The following OPCML variants were observed in gnomAD, a reference collection of about 807,000 sequenced individuals.
The protein encoded by OPCML is opioid binding protein/cell adhesion molecule like.
A neutral mutation model predicts 37.8 loss-of-function variants in OPCML; 13 were observed. The observed-to-expected ratio is 0.34, with a 90% CI of 0.22 to 0.55. The LOEUF is 0.55. Ranked by LOEUF, OPCML falls within the 20% of genes least tolerant of loss-of-function variation. The pLI is 0.91. For synonymous variants in OPCML, 176 were observed against 168.8 expected (o/e 1.04, Z -0.33); for missense variants, 341 against 435.6 (o/e 0.78, Z 1.93).
chr11:132,829,149 C>T (rs1054730482), intron 2 of OPCML, among the ~76,000 whole-genome samples: 9 of 152,134 alleles, frequency 5.9e-5, no homozygotes, highest in East Asian at 1.9e-4. Flanking sequence ...CCAGAAGAAT[C>T]CAAGTTATAC....
rs968489482 is a variant in OPCML at position 132,418,402 on chromosome 11, A to C, written c.*1791T>G. On this transcript the variant is annotated 3_prime_UTR_variant, in exon 8 of 8. Coordinates refer to ENST00000524381, the MANE Select transcript of OPCML (RefSeq NM_001012393.5). Reference sequence around the variant, plus strand: ...GGAGACAAGACAGCAAAGGTGGCTCAGCTCTTGTTTGTATGCTGGGTCTGC... The same window carrying C: ...GGAGACAAGACAGCAAAGGTGGCTCCGCTCTTGTTTGTATGCTGGGTCTGC... 3 of 152,486 alleles carry C rather than the reference A, an allele frequency of 2.0e-5. No homozygotes were observed. The highest frequency in any genetic ancestry group is 4.4e-5 in the Non-Finnish European group (3 of 68,040). The allele number at this position is 152,486 out of a possible 1,614,324, so 9.4% of individuals were successfully genotyped here.
intron 2 of OPCML, among the ~76,000 whole-genome samples, chr11:132,708,063 T>A (rs1482613686): frequency 6.6e-6 from 1 of 152,220 alleles, no homozygotes. Flanking sequence ...ACTGTTGAGT[T>A]GTGTCATGTT....
At chr11:133,246,166 T>C (rs1370396916) in intron 1 of OPCML, among the ~76,000 whole-genome samples, 1 of 152,246 alleles carries the variant, frequency 6.6e-6, no homozygotes, top group Non-Finnish European at 1.5e-5. Flanking sequence ...AGGAGCCCAC[T>C]TGTTTCATAC....
At chr11:133,156,800 C>A (rs1013671296) in intron 1 of OPCML, among the ~76,000 whole-genome samples, 1 of 152,084 alleles carries the variant, frequency 6.6e-6, no homozygotes, top group African/African-American at 2.4e-5. Context: ...AAAAATAACA[C>A]CAAGCAAGCA....
chr11:132,929,193 G>A (rs1042038501), intron 2 of OPCML, among the ~76,000 whole-genome samples: 1 of 150,972 alleles, frequency 6.6e-6, no homozygotes, highest in Non-Finnish European at 1.5e-5. Context: ...TAACAAAATG[G>A]GCAAAACTTT....
chr11:132,998,390 T>TGTTA (rs1274770694), intron 1 of OPCML, among the ~76,000 whole-genome samples: 1 of 152,170 alleles, frequency 6.6e-6, no homozygotes, highest in Non-Finnish European at 1.5e-5. Context: ...TGTGTTTACT[T>TGTTA]GTTAGCATGG....
rs1239713137 is a variant in OPCML at position 133,141,009 on chromosome 11, C to T, written c.62-197999G>A. The stretch of plus-strand genomic sequence containing the variant: ...AAGAAGAAGAAGAAGACGACGACGA[C>T]GACGACGACGACGACGACGACGACG... On this transcript the variant is annotated intron_variant, in intron 1 of 7. Coordinates refer to ENST00000524381, the MANE Select transcript of OPCML (RefSeq NM_001012393.5). Among the ~76,000 whole-genome samples the T allele has an allele frequency of 1.3e-3, 8 of 6,138 alleles. 3 individuals are homozygous for T. The highest frequency in any genetic ancestry group is 3.1e-3 in the African/African-American group (8 of 2,552). The allele number at this position is 6,138 out of a possible 152,430, so 4.0% of individuals were successfully genotyped here. A position where few individuals can be genotyped will look rare whatever the true frequency, so the allele number is the denominator to read the frequency against.
At chr11:133,079,887 G>A (rs556406854) in intron 1 of OPCML, among the ~76,000 whole-genome samples, 52 of 152,272 alleles carry the variant, frequency 3.4e-4, no homozygotes, top group South Asian at 2.3e-3. Flanking sequence ...TGAGGTGCCC[G>A]TCCAAGGGGA....
chr11:132,791,921 G>T (rs1309537607), intron 2 of OPCML, among the ~76,000 whole-genome samples: 1 of 152,146 alleles, frequency 6.6e-6, no homozygotes, highest in Non-Finnish European at 1.5e-5. Flanking sequence ...CTGGCTGGTG[G>T]TGATTAGTAC....
intron 1 of OPCML, among the ~76,000 whole-genome samples, chr11:133,357,682 T>C (rs1160372144): frequency 6.6e-6 from 1 of 152,226 alleles, no homozygotes; most frequent in African/African-American, 2.4e-5. Flanking sequence ...GCTGCTGTGA[T>C]GATTCTGAGG....
chr11:132,779,405 A>G (rs1946920087), intron 2 of OPCML, among the ~76,000 whole-genome samples: 1 of 152,144 alleles, frequency 6.6e-6, no homozygotes, highest in African/African-American at 2.4e-5. Flanking sequence ...CTTAAAATCC[A>G]TAGATGGGCT....
chr11:133,399,223 A>AT (rs1367185617), intron 1 of OPCML, among the ~76,000 whole-genome samples: 5 of 152,248 alleles, frequency 3.3e-5, no homozygotes, highest in African/African-American at 7.2e-5. Context: ...TAACTTGTGA[A>AT]TTTTTTTGGC....
At chr11:132,541,684 G>C (rs983697967) in intron 3 of OPCML, among the ~76,000 whole-genome samples, 2 of 152,112 alleles carry the variant, frequency 1.3e-5, no homozygotes, top group East Asian at 3.9e-4. Context: ...AAGCAGAGAG[G>C]GGTTAAATAA....
chr11:132,482,167 T>C (rs1432107581), intron 4 of OPCML, among the ~76,000 whole-genome samples: 40 of 149,510 alleles, frequency 2.7e-4, no homozygotes, highest in South Asian at 1.3e-3. Context: ...ATTGATAGAC[T>C]GCTAGCAAGA....
At chr11:133,425,449 G>T (rs561065850) in intron 1 of OPCML, among the ~76,000 whole-genome samples, 19 of 152,164 alleles carry the variant, frequency 1.2e-4, no homozygotes, top group Non-Finnish European at 2.1e-4. Flanking sequence ...GTGACCCAGG[G>T]CTTTGTCTTC....
At chr11:132,584,181 C>G (rs1411002371) in intron 3 of OPCML, among the ~76,000 whole-genome samples, 1 of 151,992 alleles carries the variant, frequency 6.6e-6, no homozygotes, top group Non-Finnish European at 1.5e-5. Context: ...TGAATATATA[C>G]ACATAAAATT....
At chr11:133,466,875 A>G (rs943576736) in intron 1 of OPCML, among the ~76,000 whole-genome samples, 1 of 152,198 alleles carries the variant, frequency 6.6e-6, no homozygotes, top group South Asian at 2.1e-4. Flanking sequence ...TCATGTAGCC[A>G]ATGGAAGAAA....
intron 1 of OPCML, among the ~76,000 whole-genome samples, chr11:132,970,234 T>C (rs1411445265): frequency 2.0e-5 from 3 of 152,328 alleles, no homozygotes; most frequent in Non-Finnish European, 4.4e-5. Context: ...TAAATTCATT[T>C]TACTGTTTGA....
chr11:132,490,226 A>T (rs1481983430), intron 4 of OPCML, among the ~76,000 whole-genome samples: 1 of 151,468 alleles, frequency 6.6e-6, no homozygotes, highest in African/African-American at 2.4e-5. Flanking sequence ...GCTATACTGT[A>T]ATCTCTTTTG....
Sources: gnomAD v4.1 joint callset for allele counts (sites outside exome capture counted in the v4.1 genomes callset) on GRCh38, gnomAD v4.1.1 for gene constraint, MANE v1.5 for transcripts, NCBI Gene and HGNC (gene_info 2026-07-23, HGNC 2026-07-21) for gene names.